Variants in SLC22A14 observed in about 807,000 individuals in gnomAD.
The protein encoded by SLC22A14 is solute carrier family 22 member 14.
Under a neutral mutation model 53.9 loss-of-function variants are expected in SLC22A14, and 50 were observed. The ratio of observed to expected loss-of-function variants is 0.93; its 90% CI spans 0.74 to 1.17. SLC22A14 has a LOEUF of 1.17. SLC22A14 is among the 50% of genes most tolerant of loss of function. The probability of loss-of-function intolerance (pLI) is 0.00; values close to 1 mark genes in which losing one functional copy is unlikely to be tolerated. For missense variants in SLC22A14, 671 were observed against 734.7 expected, an observed-to-expected ratio of 0.91 and a Z score of 1.00; for synonymous variants, 312 against 303.0, an observed-to-expected ratio of 1.03 and a Z score of -0.31.
At chr3:38,288,296 T>C (rs936593408) in intron 1 of SLC22A14, among the ~76,000 whole-genome samples, 12 of 152,364 alleles carry the variant, frequency 7.9e-5, no homozygotes, top group African/African-American at 2.9e-4. Flanking sequence ...TATATTCCAT[T>C]GTATGTATAC....
At chr3:38,309,184 A>C in intron 5 of SLC22A14, 62 bp downstream of exon 5, 1 of 1,414,418 alleles carries the variant, frequency 7.1e-7, no homozygotes, top group Non-Finnish European at 9.9e-7. Flanking sequence ...GTCGATGAGT[A>C]TGGAGGGTCC....
At chr3:38,305,647 T>TCA in intron 1 of SLC22A14, 7 of 179,320 alleles carry the variant, frequency 3.9e-5, no homozygotes, top group East Asian at 1.5e-4. Flanking sequence ...TTTGTTTGTT[T>TCA]TTGAAGAAAA....
intron 1 of SLC22A14, among the ~76,000 whole-genome samples, chr3:38,290,804 A>G (rs1002682792): frequency 6.6e-6 from 1 of 152,188 alleles, no homozygotes; most frequent in African/African-American, 2.4e-5. Flanking sequence ...GGGTCCTTCT[A>G]TAAGCATTTT....
intron 9 of SLC22A14, among the ~76,000 whole-genome samples, 188 bp downstream of exon 9, chr3:38,315,899 G>A (rs1023806368): frequency 5.9e-5 from 9 of 152,332 alleles, no homozygotes; most frequent in African/African-American, 2.2e-4. Flanking sequence ...TATTTCAGAT[G>A]CAAGACCAGA....
intron 1 of SLC22A14, among the ~76,000 whole-genome samples, chr3:38,295,648 T>G (rs1704015585): frequency 6.6e-6 from 1 of 152,102 alleles, no homozygotes; most frequent in Admixed American, 6.6e-5. Context: ...GCACACTGGG[T>G]TTTTTTAATT....
chr3:38,282,008 C>T (rs1394843207), upstream of SLC22A14, among the ~76,000 whole-genome samples: 4 of 152,198 alleles, frequency 2.6e-5, no homozygotes, highest in African/African-American at 9.7e-5. Context: ...CAAGCCATTT[C>T]CAGCTGTGGG....
intron 8 of SLC22A14, among the ~76,000 whole-genome samples, chr3:38,314,941 G>T (rs1211465030): frequency 6.6e-6 from 1 of 152,260 alleles, no homozygotes; most frequent in Non-Finnish European, 1.5e-5. Flanking sequence ...GCCAGGACTG[G>T]AATGGGAGTA....
At chr3:38,301,562 T>C (rs1027325031) in intron 1 of SLC22A14, among the ~76,000 whole-genome samples, 1 of 152,224 alleles carries the variant, frequency 6.6e-6, no homozygotes, top group Admixed American at 6.5e-5. Context: ...AGCTCTCCTA[T>C]TGTTTCTGAT....
At chr3:38,297,188 T>C (rs959977854) in intron 1 of SLC22A14, among the ~76,000 whole-genome samples, 18 of 152,218 alleles carry the variant, frequency 1.2e-4, no homozygotes, top group African/African-American at 4.1e-4. Flanking sequence ...AGCATTTTAG[T>C]GAGCTCTCTT....
At chr3:38,309,551 G>A (rs1418066543) in intron 5 of SLC22A14, among the ~76,000 whole-genome samples, 3 of 152,168 alleles carry the variant, frequency 2.0e-5, no homozygotes, top group Admixed American at 1.3e-4. Context: ...TTAGAAAGAG[G>A]GAGAAAGGGA....
At chr3:38,290,981 A>G (rs923438892) in intron 1 of SLC22A14, among the ~76,000 whole-genome samples, 8 of 152,036 alleles carry the variant, frequency 5.3e-5, no homozygotes, top group African/African-American at 1.5e-4. Context: ...CTGATGTTTG[A>G]TAGGTGTTCC....
At chr3:38,287,108 T>C (rs1401861642) in intron 1 of SLC22A14, among the ~76,000 whole-genome samples, 2 of 151,638 alleles carry the variant, frequency 1.3e-5, no homozygotes. Context: ...GGTGTGTGTG[T>C]GCGTGTGTGT....
At chr3:38,288,855 G>A (rs925574758) in intron 1 of SLC22A14, among the ~76,000 whole-genome samples, 8 of 151,734 alleles carry the variant, frequency 5.3e-5, no homozygotes, top group Non-Finnish European at 8.8e-5. Context: ...TTTAAAAATC[G>A]TCTTAGTTTG....
Position 38,315,694 on chromosome 3 carries a change from C to A in SLC22A14, c.1515C>A (p.Leu505=). 2 of 1,613,868 alleles carry A rather than the reference C, an allele frequency of 1.2e-6. No individual in the cohort carries two copies. The highest frequency in any genetic ancestry group is 1.7e-6 in the Non-Finnish European group (2 of 1,180,000). The change falls in exon 9 of 11, where the codon CTC becomes CTA. Residue 505 remains leucine, a synonymous_variant. Transcript: ENST00000448498. ...VTVFFLYTAE[L]LPTVLRATGL... ...TGTTCTTCCTCTACACCGCTGAGCT[C>A]CTCCCCACTGTGCTCAGGTATGGGG...
At chr3:38,292,878 C>T (rs1190244842) in intron 1 of SLC22A14, among the ~76,000 whole-genome samples, 1 of 152,128 alleles carries the variant, frequency 6.6e-6, no homozygotes, top group Admixed American at 6.5e-5. Context: ...AGTAAAGTTC[C>T]CCAGTCACAA....
chr3:38,284,400 C>T (rs990088055), intron 1 of SLC22A14, among the ~76,000 whole-genome samples: 1 of 152,168 alleles, frequency 6.6e-6, no homozygotes, highest in Non-Finnish European at 1.5e-5. Context: ...ATAGATTTGG[C>T]GAATGCAGCT....
chr3:38,307,927 G>A lies in SLC22A14; in HGVS notation c.775+207G>A. The A allele has an allele frequency of 3.4e-6, 2 of 594,320 alleles. No individual in the cohort carries two copies. Among genetic ancestry groups the A allele is most frequent in the South Asian group, 3.9e-5 (2 of 50,670 alleles). 36.8% of individuals were successfully genotyped at this position (594,320 alleles called of 1,614,324 possible). A position where few individuals can be genotyped will look rare whatever the true frequency, so the allele number is the denominator to read the frequency against. ...GGACACAGAGTCAGGGGCCTAATTGGACAGGCAGAAGTGGAAGGGATCTCC... is the reference window on the plus strand; with the variant it reads ...GGACACAGAGTCAGGGGCCTAATTGAACAGGCAGAAGTGGAAGGGATCTCC... On this transcript the variant is annotated intron_variant, in intron 4 of 10. Coordinates refer to ENST00000448498, the MANE Select transcript of SLC22A14 (RefSeq NM_001320033.2). This position sits in a 1 kb window ranked among gnomAD's most constrained non-coding sequence, Gnocchi z 4.4.
intron 7 of SLC22A14, 91 bp downstream of exon 7, chr3:38,313,576 G>C (rs1704533732): frequency 9.5e-7 from 1 of 1,055,092 alleles, no homozygotes; most frequent in Non-Finnish European, 1.5e-6. Context: ...GGCTGCAGGG[G>C]AGGCAGCCCA....
chr3:38,283,972 A>C (rs78706848), intron 1 of SLC22A14, among the ~76,000 whole-genome samples: 11,547 of 152,270 alleles, frequency 0.076, 1,361 homozygotes, highest in African/African-American at 0.25. Flanking sequence ...AAAATGCTGC[A>C]TTTATGTGAA....
Sources: allele counts gnomAD v4.1 joint callset (sites outside exome capture counted in the v4.1 genomes callset), GRCh38; gene constraint gnomAD v4.1.1; non-coding constraint Gnocchi (gnomAD v3.1); transcripts MANE v1.5; gene names NCBI Gene and HGNC (gene_info 2026-07-23, HGNC 2026-07-21).